The following CD99 variants were observed in gnomAD, a reference collection of about 807,000 sequenced individuals.
CD99 encodes the protein CD99 molecule (Xg blood group).
In CD99, 19 loss-of-function variants were observed where a neutral mutation model predicts 28.4. That is an observed-to-expected ratio of 0.67 (90% CI 0.47 to 0.98). The LOEUF (loss-of-function observed/expected upper bound fraction) is 0.98. CD99 is among the 50% of genes least tolerant of loss of function. The probability of loss-of-function intolerance (pLI) is 0.00; values close to 1 mark genes in which losing one functional copy is unlikely to be tolerated. For synonymous variants in CD99, 103 were observed against 92.1 expected, an observed-to-expected ratio of 1.12 and a Z score of -0.67; for missense variants, 283 against 248.8, an observed-to-expected ratio of 1.14 and a Z score of -0.92.
At chrX:2,731,055 T>C (rs1241899552) in intron 8 of CD99, among the ~76,000 whole-genome samples, 2 of 152,230 alleles carry the variant, frequency 1.3e-5, no homozygotes, top group East Asian at 3.8e-4. Context: ...TATACCTGAA[T>C]TATAAAATGA....
chrX:2,712,073 A>G (rs1447353818), intron 1 of CD99, among the ~76,000 whole-genome samples: 1 of 152,138 alleles, frequency 6.6e-6, no homozygotes, highest in African/African-American at 2.4e-5. Flanking sequence ...CATTTGCAAC[A>G]ACATGGATGG....
At chrX:2,722,524 T>G in intron 5 of CD99, 103 bp from the exon 6 acceptor site, 1 of 982,878 alleles carries the variant, frequency 1.0e-6, no homozygotes, top group Non-Finnish European at 1.7e-6. Context: ...TTTCACCATG[T>G]TGATGAACAG....
intron 1 of CD99, among the ~76,000 whole-genome samples, chrX:2,702,449 G>A (rs61463828): frequency 0.014 from 2,163 of 152,224 alleles, 51 homozygotes; most frequent in African/African-American, 0.05. Context: ...TGGACACCAT[G>A]AGAAATACTG....
chrX:2,738,051 CCCAG>C, intron 8 of CD99, 145 bp from the exon 9 acceptor site: 1 of 775,646 alleles, frequency 1.3e-6, no homozygotes, highest in Non-Finnish European at 2.4e-6. Context: ...ACTCCATGTT[CCCAG>C]TGGGTCTCGG....
intron 3 of CD99, 28 bp from the exon 4 acceptor site, chrX:2,719,633 G>A: frequency 6.2e-7 from 1 of 1,608,458 alleles, no homozygotes; most frequent in Non-Finnish European, 8.5e-7. Context: ...CTGGAATTTG[G>A]TATTAACTGC....
intron 1 of CD99, among the ~76,000 whole-genome samples, chrX:2,701,442 A>G (rs1228236610): frequency 6.6e-6 from 1 of 152,196 alleles, no homozygotes; most frequent in East Asian, 1.9e-4. Flanking sequence ...ACCATTGTGG[A>G]TGGAAGGCCT....
intron 1 of CD99, among the ~76,000 whole-genome samples, chrX:2,707,395 G>A (rs1474665641): frequency 2.0e-5 from 3 of 152,140 alleles, no homozygotes; most frequent in Non-Finnish European, 4.4e-5. Context: ...CTCCTCCTGC[G>A]TTTGCCCCGG....
chrX:2,707,158 C>T (rs2048159188), intron 1 of CD99, among the ~76,000 whole-genome samples: 1 of 152,090 alleles, frequency 6.6e-6, no homozygotes, highest in Non-Finnish European at 1.5e-5. Flanking sequence ...GGCGAAACTC[C>T]ATCTCTACTA....
At chrX:2,729,139 T>G (rs2049458678) in intron 8 of CD99, among the ~76,000 whole-genome samples, 1 of 152,186 alleles carries the variant, frequency 6.6e-6, no homozygotes, top group African/African-American at 2.4e-5. Flanking sequence ...CCCGGCCTCT[T>G]TTTTAGAATC....
At chrX:2,718,910 C>T in intron 3 of CD99, among the ~76,000 whole-genome samples, 1 of 152,160 alleles carries the variant, frequency 6.6e-6, no homozygotes, top group East Asian at 1.9e-4. Context: ...CAAAGGGACC[C>T]TGTGTCCCCA....
chrX:2,706,281 A>T (rs2048111512), intron 1 of CD99, among the ~76,000 whole-genome samples: 1 of 152,004 alleles, frequency 6.6e-6, no homozygotes, highest in Non-Finnish European at 1.5e-5. Flanking sequence ...AATGGTGTGA[A>T]CCCGGGAGGC....
In CD99 at chrX:2,697,830, A is replaced by G. The variant is rs142769890; in HGVS notation, c.67+6403A>G. On this transcript the variant is annotated intron_variant, in intron 1 of 9. Coordinates refer to ENST00000381192, the MANE Select transcript of CD99 (RefSeq NM_002414.5). ...GGCTGTCTTCGATGAATTCAGCACA[A>G]AATGTTCTCAGCAATTGAACACTCG... Among the ~76,000 whole-genome samples, 634 of 152,180 alleles carry G rather than the reference A, an allele frequency of 4.2e-3. 5 individuals carry two copies. The highest frequency in any genetic ancestry group is 6.9e-3 in the South Asian group (33 of 4,816).
chrX:2,700,436 CCATT>C (rs2124480683), intron 1 of CD99, among the ~76,000 whole-genome samples: 1 of 151,718 alleles, frequency 6.6e-6, no homozygotes, highest in Non-Finnish European at 1.5e-5. Flanking sequence ...ACCCATCCTC[CCATT>C]CATTTACCCA....
intron 8 of CD99, among the ~76,000 whole-genome samples, chrX:2,734,509 G>T (rs1341650935): frequency 6.6e-6 from 1 of 151,748 alleles, no homozygotes; most frequent in Non-Finnish European, 1.5e-5. Flanking sequence ...GTTTCTCCAT[G>T]TTGGCCAGGC....
intron 9 of CD99, among the ~76,000 whole-genome samples, chrX:2,739,650 C>T (rs1481156913): frequency 6.6e-6 from 1 of 151,866 alleles, no homozygotes; most frequent in Non-Finnish European, 1.5e-5. Flanking sequence ...ACGGGGCTTT[C>T]GCCATGTTGG....
chrX:2,699,394 T>A (rs1248454658), intron 1 of CD99, among the ~76,000 whole-genome samples: 6 of 151,814 alleles, frequency 4.0e-5, no homozygotes, highest in Admixed American at 6.6e-5. Context: ...GGTCTCGAAC[T>A]CCTGACGTCG....
At chrX:2,732,100 C>T (rs2049642564) in intron 8 of CD99, among the ~76,000 whole-genome samples, 3 of 152,072 alleles carry the variant, frequency 2.0e-5, no homozygotes, top group South Asian at 2.1e-4. Flanking sequence ...CACCAGCCTC[C>T]GTTCCTCCCT....
intron 8 of CD99, among the ~76,000 whole-genome samples, chrX:2,732,503 C>A (rs2049676239): frequency 6.6e-6 from 1 of 150,634 alleles, no homozygotes; most frequent in Admixed American, 6.6e-5. Context: ...TTCCCCCTCC[C>A]TCCTTCTTTT....
chrX:2,714,058 A>G (rs941880310), intron 1 of CD99, among the ~76,000 whole-genome samples: 1 of 152,198 alleles, frequency 6.6e-6, no homozygotes, highest in Non-Finnish European at 1.5e-5. Flanking sequence ...AAAGTTGCCA[A>G]TAAAAAAGGG....
Sources: gnomAD v4.1 joint callset for allele counts (sites outside exome capture counted in the v4.1 genomes callset) on GRCh38, gnomAD v4.1.1 for gene constraint, MANE v1.5 for transcripts, NCBI Gene and HGNC (gene_info 2026-07-23, HGNC 2026-07-21) for gene names.